The following FRMPD4 variants were observed in gnomAD, a reference collection of about 807,000 sequenced individuals.
The protein encoded by FRMPD4 is FERM and PDZ domain containing 4, also known as FERM and PDZ domain-containing protein 4.
FRMPD4 carries 22 observed loss-of-function variants against 94.1 expected under a neutral mutation model. That is an observed-to-expected ratio of 0.23 (90% CI 0.17 to 0.33). The LOEUF is 0.33. Ranked by LOEUF, FRMPD4 falls within the 10% of genes least tolerant of loss-of-function variation. The probability of loss-of-function intolerance (pLI) is 1.00; values close to 1 mark genes in which losing one functional copy is unlikely to be tolerated. For synonymous variants in FRMPD4, 631 were observed against 548.6 expected (o/e 1.15, Z -2.10); for missense variants, 1,111 against 1,339.9 (o/e 0.83, Z 2.67).
At chrX:12,213,100 G>A (rs1447895211) in intron 1 of FRMPD4, among the ~76,000 whole-genome samples, 2 of 111,143 alleles carry the variant, frequency 1.8e-5, no homozygotes, top group South Asian at 3.8e-4. Context: ...CTATAGCTGC[G>A]TTTCTTCTTT....
intron 1 of FRMPD4, among the ~76,000 whole-genome samples, chrX:12,302,580 G>A (rs1222162842): frequency 9.0e-6 from 1 of 111,138 alleles, no homozygotes; most frequent in Non-Finnish European, 1.9e-5. Flanking sequence ...ACAGTTCTGT[G>A]CCCAGATGCT....
At chrX:12,294,867 T>A (rs2054747481) in intron 1 of FRMPD4, among the ~76,000 whole-genome samples, 1 of 112,159 alleles carries the variant, frequency 8.9e-6, no homozygotes. Flanking sequence ...GAGATTTCAT[T>A]CTTAGACTGA....
At chrX:12,198,852 C>T (rs1009983516) in intron 1 of FRMPD4, among the ~76,000 whole-genome samples, 56 of 111,976 alleles carry the variant, frequency 5.0e-4, no homozygotes, top group African/African-American at 1.8e-3. Context: ...AGAAAAAGAA[C>T]GTAGAAAGGA....
chrX:12,015,654 TCTGA>T (rs1259955324), intron 3 of FRMPD4, among the ~76,000 whole-genome samples: 1 of 112,559 alleles, frequency 8.9e-6, no homozygotes, highest in Non-Finnish European at 1.9e-5. Context: ...GTGACATAAT[TCTGA>T]CTGACCATTA....
intron 1 of FRMPD4, among the ~76,000 whole-genome samples, chrX:12,298,997 TCAAAA>T (rs1161775864): frequency 1.5e-4 from 17 of 111,433 alleles, no homozygotes; most frequent in Non-Finnish European, 1.1e-4. Context: ...GAGAAAACTC[TCAAAA>T]CAACACCCAA....
At chrX:12,593,205 T>C (rs2058998918) in intron 2 of FRMPD4, among the ~76,000 whole-genome samples, 1 of 112,275 alleles carries the variant, frequency 8.9e-6, no homozygotes. Context: ...GGTCTGGAAA[T>C]GTCTTTATTC....
At chrX:11,968,633 C>T (rs1287310366) in intron 3 of FRMPD4, among the ~76,000 whole-genome samples, 1 of 111,249 alleles carries the variant, frequency 9.0e-6, no homozygotes, top group Non-Finnish European at 1.9e-5. Context: ...GCCAGGACTT[C>T]AGATGTTCCT....
chrX:12,263,985 T>C (rs1449602053), intron 1 of FRMPD4, among the ~76,000 whole-genome samples: 1 of 110,990 alleles, frequency 9.0e-6, no homozygotes, highest in Non-Finnish European at 1.9e-5. Flanking sequence ...GGTGGAGCAT[T>C]AATACCTCCC....
In FRMPD4 at chrX:12,174,778, C is replaced by T. The variant is rs868855037; in HGVS notation, c.41+35766C>T. Among the ~76,000 whole-genome samples the T allele has an allele frequency of 1.4e-4, 16 of 112,053 alleles. No homozygotes were observed. In the Middle Eastern group the frequency reaches 0.014, roughly 97 times the overall value. On this transcript the variant is annotated intron_variant, in intron 1 of 16. Transcript: ENST00000675598. ...ATTTGAGACCCATTGATATCAATAC[C>T]TTGTTTCATGCCTTCCTACCCTTAA...
At chrX:12,250,018 G>A (rs964319387) in intron 1 of FRMPD4, among the ~76,000 whole-genome samples, 6 of 91,017 alleles carry the variant, frequency 6.6e-5, no homozygotes, top group Non-Finnish European at 1.3e-4. Flanking sequence ...TATTAATTAT[G>A]GTATTCTCTC....
In FRMPD4 at chrX:12,717,626, C is replaced by T. The variant is rs1222472245; in HGVS notation, c.2800C>T (p.Arg934Cys). Residue 934 changes from arginine to cysteine, a missense_variant, in exon 16 of 17, where the codon CGC (arginine) becomes TGC (cysteine). This residue lies in a region of FRMPD4 where 551 missense variants were observed against 591.6 expected (regional missense o/e 0.93). Coordinates refer to ENST00000675598, the MANE Select transcript of FRMPD4 (RefSeq NM_001368397.1). ...ACAAAAACAGTCAGAAAACCTCTCC[C>T]GCATGTTCTTGGCCACTCACGAAGG... is the stretch of plus-strand genomic sequence containing the variant. ...TAQKQSENLS[R>C]MFLATHEGYH... 10 of 1,209,510 alleles carry T rather than the reference C, an allele frequency of 8.3e-6. No homozygotes were observed. The highest frequency in any genetic ancestry group is 1.8e-5 in the South Asian group (1 of 56,896).
At chrX:12,048,148 C>T (rs906228398) in intron 3 of FRMPD4, among the ~76,000 whole-genome samples, 4 of 112,722 alleles carry the variant, frequency 3.5e-5, no homozygotes, top group African/African-American at 1.3e-4. Flanking sequence ...TGCTTCACAG[C>T]CTCACCAGCA....
intron 3 of FRMPD4, among the ~76,000 whole-genome samples, chrX:12,047,745 A>G (rs915674236): frequency 7.1e-5 from 8 of 112,128 alleles, no homozygotes; most frequent in African/African-American, 2.6e-4. Context: ...GAGATCATGC[A>G]GTATTTGGTT....
At position 12,674,926 on chromosome X, in the gene FRMPD4, A is replaced by G; in HGVS notation, c.468+18A>G. On this transcript the variant is annotated intron_variant, in intron 5 of 16. Transcript: ENST00000675598. Reference sequence around the variant, plus strand: ...CTTACCCTGTAAGTGTTCTGTGAATAAAAGTGCCACTTAATGTTCTCAGGC... The same window carrying G: ...CTTACCCTGTAAGTGTTCTGTGAATGAAAGTGCCACTTAATGTTCTCAGGC... 7 of 1,052,300 alleles carry G rather than the reference A, an allele frequency of 6.7e-6. No individual in the cohort carries two copies. The highest frequency in any genetic ancestry group is 1.8e-5 in the African/African-American group (1 of 54,989). 86.7% of individuals were successfully genotyped at this position (1,052,300 alleles called of 1,213,427 possible).
intron 7 of FRMPD4, among the ~76,000 whole-genome samples, chrX:12,687,419 G>A (rs901948739): frequency 1.8e-5 from 2 of 111,521 alleles, no homozygotes; most frequent in Non-Finnish European, 1.9e-5. Context: ...CCAAGAGTAG[G>A]CAAACTTTTT....
chrX:12,334,347 C>T (rs1176308695), intron 1 of FRMPD4, among the ~76,000 whole-genome samples: 3 of 111,326 alleles, frequency 2.7e-5, no homozygotes, highest in Non-Finnish European at 5.7e-5. Flanking sequence ...CGTGTCAGGG[C>T]CAGGCCATCT....
chrX:11,931,783 A>G (rs1303161508), intron 3 of FRMPD4, among the ~76,000 whole-genome samples: 2 of 112,044 alleles, frequency 1.8e-5, no homozygotes, highest in Non-Finnish European at 3.8e-5. Context: ...CACTTTTGCC[A>G]TTTTCCTTAA....
chrX:12,334,844 A>G (rs2055491653), intron 1 of FRMPD4, among the ~76,000 whole-genome samples: 1 of 111,499 alleles, frequency 9.0e-6, no homozygotes, highest in Non-Finnish European at 1.9e-5. Context: ...CATCTCAGAC[A>G]ATTACTATTA....
intron 3 of FRMPD4, among the ~76,000 whole-genome samples, chrX:12,005,627 T>C (rs1453408562): frequency 1.2e-4 from 13 of 111,781 alleles, no homozygotes; most frequent in African/African-American, 4.2e-4. Context: ...TCGACAGACA[T>C]GTGAGCCCTC....
Sources: allele counts gnomAD v4.1 joint callset (sites outside exome capture counted in the v4.1 genomes callset), GRCh38; gene constraint gnomAD v4.1.1; regional missense constraint gnomAD v4.1.1; transcripts MANE v1.5; gene names NCBI Gene and HGNC (gene_info 2026-07-23, HGNC 2026-07-21).